The following GATA3 variants were observed in gnomAD, a reference collection of about 807,000 sequenced individuals.
GATA3 encodes GATA binding protein 3, also known as trans-acting T-cell-specific transcription factor GATA-3.
A neutral mutation model predicts 36.0 loss-of-function variants in GATA3; 6 were observed. The observed-to-expected ratio is 0.17, with a 90% confidence interval of 0.09 to 0.33. The LOEUF (loss-of-function observed/expected upper bound fraction) is 0.33, where lower values mean the gene tolerates loss of function less well. Among genes scored for constraint, GATA3 ranks in the 10% least tolerant of loss-of-function variants. The pLI is 1.00. For missense variants in GATA3, 514 were observed against 610.1 expected (o/e 0.84, Z 1.66); for synonymous variants, 326 against 273.0 (o/e 1.19, Z -1.92).
intron 4 of GATA3, among the ~76,000 whole-genome samples, chr10:8,065,823 TA>T (rs1448198992): frequency 1.9e-5 from 2 of 106,542 alleles, no homozygotes; most frequent in Admixed American, 2.6e-4. Flanking sequence ...TTCCCCAACC[TA>T]AACACCAAGA....
chr10:8,055,564 G>T lies in GATA3; in HGVS notation c.-92G>T, dbSNP rs1473273603. 4.2e-6 allele frequency: 6 copies of T among 1,422,746 alleles called. No homozygotes were observed. Among genetic ancestry groups the T allele is most frequent in the Non-Finnish European group, 5.6e-6 (6 of 1,068,710 alleles). The allele number at this position is 1,422,746 out of a possible 1,614,324, so 88.1% of individuals were successfully genotyped here. A position where few individuals can be genotyped will look rare whatever the true frequency, so the allele number is the denominator to read the frequency against. On this transcript the variant is annotated 5_prime_UTR_variant, in exon 2 of 6. Coordinates refer to ENST00000379328, the MANE Select transcript of GATA3 (RefSeq NM_001002295.2). This position sits in a 1 kb window ranked among gnomAD's most constrained non-coding sequence, Gnocchi z 5.4. ...ATTCAACGACCCCCGACCCTCCGAC[G>T]GCAGGAGCCCCCCGACCTCCCAGGC...
intron 5 of GATA3, among the ~76,000 whole-genome samples, chr10:8,069,900 T>A (rs1363178116): frequency 2.0e-5 from 3 of 150,424 alleles, no homozygotes; most frequent in Non-Finnish European, 4.4e-5. Context: ...AAAAAAAAAA[T>A]CTTCCTTTTG....
intron 4 of GATA3, among the ~76,000 whole-genome samples, chr10:8,065,846 A>C (rs1564402193): frequency 7.1e-6 from 1 of 140,930 alleles, no homozygotes; most frequent in Admixed American, 7.4e-5. Context: ...GTTTGAACGT[A>C]TCAGAACAAG....
upstream of GATA3, chr10:8,052,577 GTGGCGCATCCACCCCTCGAT>G (rs1172201098): frequency 1.3e-5 from 2 of 152,230 alleles, no homozygotes; most frequent in Non-Finnish European, 2.9e-5. Flanking sequence ...CTCACGCTGC[GTGGCGCATCCACCCCTCGAT>G]TGACGCGCGG....
chr10:8,070,724 C>A (rs553476806), intron 5 of GATA3, among the ~76,000 whole-genome samples: 31 of 152,304 alleles, frequency 2.0e-4, no homozygotes, highest in African/African-American at 7.2e-4. Flanking sequence ...CAGCACCCTG[C>A]TTCTTTTTCA....
At chr10:8,056,824 T>C (rs1188520683) in intron 2 of GATA3, among the ~76,000 whole-genome samples, 2 of 151,994 alleles carry the variant, frequency 1.3e-5, no homozygotes, top group African/African-American at 4.8e-5. Flanking sequence ...CTGTGTAGTT[T>C]GAGGAAAAAA....
upstream of GATA3, among the ~76,000 whole-genome samples, chr10:8,054,196 G>C (rs11567881): frequency 0.013 from 1,962 of 152,262 alleles, 42 homozygotes; most frequent in African/African-American, 0.044. This position sits in a 1 kb window ranked among gnomAD's most constrained non-coding sequence, Gnocchi z 4.2. Context: ...TAACGCGCAC[G>C]TTTCCCCACA....
upstream of GATA3, among the ~76,000 whole-genome samples, chr10:8,051,924 G>A (rs1324571470): frequency 1.3e-5 from 2 of 152,244 alleles, no homozygotes; most frequent in East Asian, 3.9e-4. Flanking sequence ...CTTCCCCGTG[G>A]GTCCCGAGGC....
At chr10:8,046,232 C>A (rs556730901) in intron 1 of GATA3, among the ~76,000 whole-genome samples, 2 of 152,354 alleles carry the variant, frequency 1.3e-5, no homozygotes, top group East Asian at 3.9e-4. Flanking sequence ...CAGTTCCCCC[C>A]TGAAGACAGA....
intron 4 of GATA3, among the ~76,000 whole-genome samples, chr10:8,067,619 C>T (rs3929763): frequency 0.019 from 2,892 of 152,190 alleles, 49 homozygotes; most frequent in South Asian, 0.066. Context: ...GAGATAGAGA[C>T]CATCCTGGCT....
At chr10:8,046,585 C>G (rs888369551) in intron 1 of GATA3, among the ~76,000 whole-genome samples, 2 of 151,442 alleles carry the variant, frequency 1.3e-5, no homozygotes, top group African/African-American at 4.9e-5. Flanking sequence ...GGGGGTCTAG[C>G]CAGGCAGGTT....
chr10:8,047,074 C>T (rs953225977), intron 1 of GATA3, among the ~76,000 whole-genome samples: 1 of 152,292 alleles, frequency 6.6e-6, no homozygotes, highest in East Asian at 1.9e-4. Flanking sequence ...ACATTTACAC[C>T]CTGCCTTCTT....
chr10:8,050,267 C>T (rs1002117883), upstream of GATA3, among the ~76,000 whole-genome samples: 2 of 152,252 alleles, frequency 1.3e-5, no homozygotes, highest in Non-Finnish European at 2.9e-5. Context: ...CAACAATGGC[C>T]TCTATTAAAA....
At chr10:8,068,775 C>T (rs1832885524) in intron 4 of GATA3, among the ~76,000 whole-genome samples, 1 of 152,148 alleles carries the variant, frequency 6.6e-6, no homozygotes, top group African/African-American at 2.4e-5. Flanking sequence ...AAAGAAAGTG[C>T]AGGCTGTATA....
At chr10:8,066,845 A>C (rs932367937) in intron 4 of GATA3, among the ~76,000 whole-genome samples, 12 of 152,164 alleles carry the variant, frequency 7.9e-5, no homozygotes, top group African/African-American at 2.9e-4. Flanking sequence ...GTAGTACTGG[A>C]AGCATCTTCC....
chr10:8,054,135 G>C (rs1362061808), upstream of GATA3, among the ~76,000 whole-genome samples: 1 of 152,168 alleles, frequency 6.6e-6, no homozygotes, highest in Non-Finnish European at 1.5e-5. This position sits in a 1 kb window ranked among gnomAD's most constrained non-coding sequence, Gnocchi z 4.2. Flanking sequence ...CGGCCCGAGA[G>C]GCAAATCTCA....
intron 4 of GATA3, among the ~76,000 whole-genome samples, chr10:8,065,001 T>G (rs1832812186): frequency 6.6e-6 from 1 of 152,222 alleles, no homozygotes; most frequent in African/African-American, 2.4e-5. Context: ...TGAATGTATG[T>G]GACAGACAAA....
intron 2 of GATA3, among the ~76,000 whole-genome samples, chr10:8,057,326 A>G (rs1449451938): frequency 6.6e-6 from 1 of 152,142 alleles, no homozygotes; most frequent in Non-Finnish European, 1.5e-5. Context: ...TTGCTTTTTA[A>G]ATGTACCCCT....
In GATA3 at chr10:8,058,945, A is replaced by C. The variant is rs1832702228; in HGVS notation, c.778+104A>C. On this transcript the variant is annotated intron_variant, in intron 3 of 5. Coordinates refer to ENST00000379328, the MANE Select transcript of GATA3 (RefSeq NM_001002295.2). The stretch of plus-strand genomic sequence containing the variant: ...CCCCTCAGGGGAGCCGGGGTGTCCC[A>C]AAGCCTGCTGAGATGCCATTCTTCC... 2.8e-6 allele frequency: 3 copies of C among 1,064,222 alleles called. No individual in the cohort carries two copies. In the Admixed American group the frequency reaches 6.8e-5, roughly 24 times the overall value. The allele number at this position is 1,064,222 out of a possible 1,614,324, so 65.9% of individuals were successfully genotyped here.
Sources: allele counts gnomAD v4.1 joint callset (sites outside exome capture counted in the v4.1 genomes callset), GRCh38; gene constraint gnomAD v4.1.1; non-coding constraint Gnocchi (gnomAD v3.1); transcripts MANE v1.5; gene names NCBI Gene and HGNC (gene_info 2026-07-23, HGNC 2026-07-21).